The following ZFAND4 variants were observed in gnomAD, a reference collection of about 807,000 sequenced individuals.
ZFAND4 encodes zinc finger AN1-type containing 4.
ZFAND4 carries 43 observed loss-of-function variants against 64.4 expected under a neutral mutation model. That is an observed-to-expected ratio of 0.67 (90% confidence interval 0.52 to 0.86). ZFAND4 has a LOEUF of 0.86. Among genes scored for constraint, ZFAND4 ranks in the 40% least tolerant of loss-of-function variants. ZFAND4 has a pLI of 0.00. For synonymous variants in ZFAND4, 296 were observed against 305.7 expected (o/e 0.97, Z 0.33); for missense variants, 929 against 859.8 (o/e 1.08, Z -1.01).
chr10:45,634,758 CAGAA>C (rs1477927200), intron 6 of ZFAND4, among the ~76,000 whole-genome samples: 4 of 151,926 alleles, frequency 2.6e-5, no homozygotes, highest in African/African-American at 9.7e-5. Flanking sequence ...TTTGGAAAAA[CAGAA>C]AGACTGCACC....
At chr10:45,659,130 G>T (rs1487223104) in intron 2 of ZFAND4, among the ~76,000 whole-genome samples, 1 of 152,106 alleles carries the variant, frequency 6.6e-6, no homozygotes. Flanking sequence ...AAATTATTGA[G>T]GGCCAGAAAC....
At chr10:45,657,227 A>T (rs905531696) in intron 2 of ZFAND4, among the ~76,000 whole-genome samples, 1 of 152,054 alleles carries the variant, frequency 6.6e-6, no homozygotes, top group African/African-American at 2.4e-5. Context: ...TGTTGCCCAG[A>T]CTGGTCTTGA....
intron 4 of ZFAND4, chr10:45,648,960 T>A: frequency 1.0e-6 from 1 of 985,186 alleles, no homozygotes; most frequent in Non-Finnish European, 1.2e-6. Context: ...AAATTCCACT[T>A]ACGTTAGATT....
At position 45,626,816 on chromosome 10, in the gene ZFAND4, T is replaced by G; in HGVS notation, c.1007A>C (p.Lys336Thr). 2 of 1,614,216 alleles carry G rather than the reference T, an allele frequency of 1.2e-6. No homozygotes were observed. The highest frequency in any genetic ancestry group is 8.5e-7 in the Non-Finnish European group (1 of 1,180,032). Residue 336 changes from lysine to threonine, a missense_variant, in exon 7 of 10, where the codon AAA becomes ACA. Physicochemically the swap from Lys to Thr is moderately conservative, Grantham distance 78. Coordinates refer to ENST00000344646, the MANE Select transcript of ZFAND4 (RefSeq NM_174890.4). ...NTLSHFSSNV[K>T]LPPQIPHLEL... ...CAAATGGGGTATCTGAGGAGGTAGTTTGACGTTGCTACTGAAGTGAGACAG... is the reference window on the plus strand; with the variant it reads ...CAAATGGGGTATCTGAGGAGGTAGTGTGACGTTGCTACTGAAGTGAGACAG...
At chr10:45,621,983 T>G (rs2045462761) in intron 8 of ZFAND4, among the ~76,000 whole-genome samples, 1 of 152,196 alleles carries the variant, frequency 6.6e-6, no homozygotes, top group African/African-American at 2.4e-5. Context: ...GAACCAGCAC[T>G]GAAGACTGAA....
chr10:45,661,934 T>C (rs1373235099), intron 2 of ZFAND4, among the ~76,000 whole-genome samples: 3 of 143,170 alleles, frequency 2.1e-5, no homozygotes, highest in Non-Finnish European at 4.5e-5. Flanking sequence ...CAAAACTCCG[T>C]CTCGAAGAAA....
At chr10:45,652,948 G>C (rs2047855362) in intron 3 of ZFAND4, 36 bp downstream of exon 3, 1 of 1,505,182 alleles carries the variant, frequency 6.6e-7, no homozygotes, top group Non-Finnish European at 9.2e-7. Flanking sequence ...ATAATACTAA[G>C]TGCCTACAAA....
At chr10:45,617,188 C>T (rs990464676) in intron 9 of ZFAND4, among the ~76,000 whole-genome samples, 1 of 151,432 alleles carries the variant, frequency 6.6e-6, no homozygotes, top group African/African-American at 2.4e-5. Context: ...ACCTAGTAAA[C>T]CTAAAAGAAT....
chr10:45,640,013 G>A, intron 5 of ZFAND4, 50 bp from the exon 6 acceptor site: 1 of 1,556,208 alleles, frequency 6.4e-7, no homozygotes, highest in Non-Finnish European at 8.6e-7. Context: ...CCTGCTCAGT[G>A]ACTAAAAATG....
intron 5 of ZFAND4, among the ~76,000 whole-genome samples, chr10:45,647,210 A>G (rs2047441632): frequency 6.6e-6 from 1 of 152,206 alleles, no homozygotes; most frequent in African/African-American, 2.4e-5. Flanking sequence ...CCTCTAGTCA[A>G]TAGCCAGCAA....
chr10:45,620,644 T>A (rs2045354385), intron 8 of ZFAND4: 1 of 152,214 alleles, frequency 6.6e-6, no homozygotes, highest in South Asian at 2.1e-4. Flanking sequence ...CTAGGAACCA[T>A]CAATAAACAT....
chr10:45,624,598 C>G lies in ZFAND4; in HGVS notation c.1912G>C (p.Ala638Pro). Reference sequence around the variant, plus strand: ...TGTAGCTTACCTACGCTTTTCCCTGCTGCTGCATTATTTCCATTCATTCCA... The same window carrying G: ...TGTAGCTTACCTACGCTTTTCCCTGGTGCTGCATTATTTCCATTCATTCCA... ...GVGMNGNNAA[A>P]GKSVGECTTH... The change falls in exon 8 of 10, where the codon GCA (alanine) becomes CCA (proline). Residue 638 changes from alanine to proline, a missense_variant. Coordinates refer to ENST00000344646, the MANE Select transcript of ZFAND4 (RefSeq NM_174890.4). The G allele has an allele frequency of 6.2e-7, 1 of 1,613,866 alleles. No homozygotes were observed. The highest frequency in any genetic ancestry group is 2.2e-5 in the East Asian group (1 of 44,838).
intron 2 of ZFAND4, among the ~76,000 whole-genome samples, chr10:45,659,095 G>A (rs1214444761): frequency 6.6e-6 from 1 of 152,222 alleles, no homozygotes; most frequent in Non-Finnish European, 1.5e-5. Flanking sequence ...CATAGAGGCT[G>A]AGTGTGGACT....
In ZFAND4 at chr10:45,635,214, CAAAAAA is replaced by C. The variant is rs76130878; in HGVS notation, c.717+4596_717+4601del. Among the ~76,000 whole-genome samples the C allele has an allele frequency of 6.9e-4, 47 of 68,286 alleles. 1 individual carries two copies. Among genetic ancestry groups the C allele is most frequent in the East Asian group, 3.7e-3 (9 of 2,404 alleles). The allele number at this position is 68,286 out of a possible 152,430, so 44.8% of individuals were successfully genotyped here. On this transcript the variant is annotated intron_variant, in intron 6 of 9. Coordinates refer to ENST00000344646, the MANE Select transcript of ZFAND4 (RefSeq NM_174890.4). ...TCTAAGCAAAAAAAAAAAAAAAAAA[CAAAAAA>C]AAAACAAACAAAAAAAAACTGGAAG... is the stretch of plus-strand genomic sequence containing the variant.
chr10:45,627,402 C>T (rs188135802), intron 6 of ZFAND4, among the ~76,000 whole-genome samples: 246 of 151,798 alleles, frequency 1.6e-3, no homozygotes, highest in African/African-American at 5.8e-3. Context: ...TATGACATTG[C>T]TGACCTATTT....
At chr10:45,638,209 C>A (rs1269361643) in intron 6 of ZFAND4, among the ~76,000 whole-genome samples, 1 of 150,232 alleles carries the variant, frequency 6.7e-6, no homozygotes, top group Admixed American at 6.6e-5. Flanking sequence ...ATTGGCCGGG[C>A]GCGGTGGCTC....
chr10:45,616,796 T>C (rs1015089221), intron 9 of ZFAND4, among the ~76,000 whole-genome samples: 2 of 152,242 alleles, frequency 1.3e-5, no homozygotes, highest in Non-Finnish European at 2.9e-5. Flanking sequence ...GAAGTCATTA[T>C]TGACTGAAAC....
intron 5 of ZFAND4, among the ~76,000 whole-genome samples, chr10:45,642,112 A>G (rs528245352): frequency 1.3e-5 from 2 of 152,354 alleles, no homozygotes; most frequent in African/African-American, 4.8e-5. Flanking sequence ...GTTAGAAGGA[A>G]TAACTCAAGT....
chr10:45,629,566 T>C (rs1298963537), intron 6 of ZFAND4, among the ~76,000 whole-genome samples: 29 of 151,654 alleles, frequency 1.9e-4, no homozygotes, highest in Admixed American at 1.9e-3. Flanking sequence ...CCAATAAGAG[T>C]GTCATTGATT....
Sources: allele counts gnomAD v4.1 joint callset (sites outside exome capture counted in the v4.1 genomes callset), GRCh38; gene constraint gnomAD v4.1.1; transcripts MANE v1.5; gene names NCBI Gene and HGNC (gene_info 2026-07-23, HGNC 2026-07-21).